Variants in DKK2 observed in about 807,000 individuals in gnomAD.
The protein encoded by DKK2 is dickkopf Wnt signaling pathway inhibitor 2.
In DKK2, 11 loss-of-function variants were observed where a neutral mutation model predicts 28.1. The observed-to-expected ratio is 0.39, with a 90% confidence interval of 0.25 to 0.65. DKK2 has a LOEUF of 0.65. Ranked by LOEUF, DKK2 falls within the 30% of genes least tolerant of loss-of-function variation. DKK2 has a pLI of 0.47. For synonymous variants in DKK2, 135 were observed against 126.5 expected (o/e 1.07, Z -0.45); for missense variants, 326 against 335.5 (o/e 0.97, Z 0.22).
intron 1 of DKK2, among the ~76,000 whole-genome samples, chr4:107,030,025 T>C (rs1171948948): frequency 6.6e-6 from 1 of 152,072 alleles, no homozygotes; most frequent in Non-Finnish European, 1.5e-5. Flanking sequence ...ATATAATCTG[T>C]TGTGCAGATT....
At chr4:107,027,896 C>G (rs1379317428) in intron 1 of DKK2, among the ~76,000 whole-genome samples, 1 of 151,870 alleles carries the variant, frequency 6.6e-6, no homozygotes, top group East Asian at 2.0e-4. Context: ...GGACTACAGG[C>G]GCCTGCCACC....
intron 1 of DKK2, among the ~76,000 whole-genome samples, chr4:107,031,460 C>T (rs1276272262): frequency 6.6e-6 from 1 of 152,010 alleles, no homozygotes; most frequent in Non-Finnish European, 1.5e-5. Context: ...CTTTAGTCAA[C>T]TCGTTCAAGC....
chr4:106,940,715 T>A (rs1240992299), intron 1 of DKK2, among the ~76,000 whole-genome samples: 1 of 151,492 alleles, frequency 6.6e-6, no homozygotes, highest in Non-Finnish European at 1.5e-5. Context: ...AACCTAAATG[T>A]CCAACAATGA....
chr4:107,018,896 T>C (rs2110372386), intron 1 of DKK2, among the ~76,000 whole-genome samples: 1 of 152,218 alleles, frequency 6.6e-6, no homozygotes, highest in East Asian at 1.9e-4. Context: ...TCCTGCCAAC[T>C]ATCTTTAAGT....
intron 1 of DKK2, among the ~76,000 whole-genome samples, chr4:106,960,808 C>T (rs924572266): frequency 6.6e-6 from 1 of 151,950 alleles, no homozygotes; most frequent in Non-Finnish European, 1.5e-5. Flanking sequence ...CTTTTTCTAC[C>T]AAGCCAGTCT....
intron 1 of DKK2, among the ~76,000 whole-genome samples, chr4:106,971,180 A>G (rs1234467529): frequency 6.6e-6 from 1 of 152,026 alleles, no homozygotes; most frequent in Non-Finnish European, 1.5e-5. Context: ...TACTTTGGAG[A>G]TATACAGGAT....
At chr4:106,932,210 A>G (rs2110340561) in intron 1 of DKK2, among the ~76,000 whole-genome samples, 1 of 152,302 alleles carries the variant, frequency 6.6e-6, no homozygotes, top group African/African-American at 2.4e-5. Flanking sequence ...TTGATACGAA[A>G]GATCAGAGAT....
Position 106,924,022 on chromosome 4 carries a change from A to T in DKK2, c.712T>A (p.Ser238Thr). 6.2e-7 allele frequency: 1 copy of T among 1,614,004 alleles called. No individual in the cohort carries two copies. The highest frequency in any genetic ancestry group is 1.1e-5 in the South Asian group (1 of 91,084). The change falls in exon 4 of 4, where the codon TCT (serine) becomes ACT (threonine). Residue 238 changes from serine (S) to threonine (T), a missense_variant. Physicochemically the swap from Ser to Thr is moderately conservative, Grantham distance 58. Transcript: ENST00000285311. Reference protein sequence around the residue: ...FQRCDCAKGLSCKVWKDATYS... With the variant: ...FQRCDCAKGLTCKVWKDATYS... ...GTGGCATCTTTCCATACTTTGCAAG[A>T]CAGGCCCTTCGCACAGTCGCAACGC... is the stretch of plus-strand genomic sequence containing the variant.
chr4:107,025,695 A>G (rs1723768608), intron 1 of DKK2, among the ~76,000 whole-genome samples: 1 of 152,190 alleles, frequency 6.6e-6, no homozygotes, highest in East Asian at 1.9e-4. Context: ...AAGTATCAGG[A>G]CTGAAAAAGT....
Position 107,028,032 on chromosome 4 carries a change from G to C in DKK2, c.222+7338C>G, listed in dbSNP as rs774483359. Among the ~76,000 whole-genome samples, 76 of 152,256 alleles carry C rather than the reference G, an allele frequency of 5.0e-4. 1 individual carries two copies. The highest frequency in any genetic ancestry group is 3.4e-4 in the Non-Finnish European group (23 of 68,024). On this transcript the variant is annotated intron_variant, in intron 1 of 3. Coordinates refer to ENST00000285311, the MANE Select transcript of DKK2 (RefSeq NM_014421.3). Reference sequence around the variant, plus strand: ...CTCCCAAAGTGCTAGGATTACAGGCGTGAGCCACCGCGCCCTGCCATGATT... The same window carrying C: ...CTCCCAAAGTGCTAGGATTACAGGCCTGAGCCACCGCGCCCTGCCATGATT...
rs1723059615 is a variant in DKK2, at chr4:106,983,337, G to GA, written c.222+52032dup. ...AGAAAGAAGAAAGAAAGGAAGAAAG[G>GA]AAGAAAGAAAGAAAGAAAGAAAGAA... is the stretch of plus-strand genomic sequence containing the variant. On this transcript the variant is annotated intron_variant, in intron 1 of 3. Coordinates refer to ENST00000285311, the MANE Select transcript of DKK2 (RefSeq NM_014421.3). 5.8e-5 allele frequency among the ~76,000 whole-genome samples: 7 copies of GA among 120,506 alleles called. No individual in the cohort carries two copies. In the East Asian group the frequency reaches 8.8e-4, roughly 15 times the overall value. The allele number at this position is 120,506 out of a possible 152,430, so 79.1% of individuals were successfully genotyped here.
intron 1 of DKK2, among the ~76,000 whole-genome samples, chr4:107,020,905 G>T (rs2110373347): frequency 6.6e-6 from 1 of 152,120 alleles, no homozygotes; most frequent in East Asian, 1.9e-4. Context: ...TGGGTTTGGG[G>T]TGGAGAACAT....
chr4:106,996,694 C>T (rs1723276863), intron 1 of DKK2, among the ~76,000 whole-genome samples: 1 of 152,156 alleles, frequency 6.6e-6, no homozygotes, highest in African/African-American at 2.4e-5. Flanking sequence ...AAATTGGCTT[C>T]CTCTTTCCTA....
At chr4:107,011,609 C>T (rs1271103397) in intron 1 of DKK2, among the ~76,000 whole-genome samples, 3 of 151,304 alleles carry the variant, frequency 2.0e-5, no homozygotes, top group Non-Finnish European at 3.0e-5. Flanking sequence ...TACGTGTATT[C>T]GAGAGTCAAC....
intron 1 of DKK2, among the ~76,000 whole-genome samples, chr4:107,027,296 G>A (rs1723800375): frequency 1.3e-5 from 2 of 152,120 alleles, no homozygotes; most frequent in East Asian, 1.9e-4. Flanking sequence ...CTCTCATTTG[G>A]ATGAAGATTT....
chr4:107,033,390 T>C (rs1292233045), intron 1 of DKK2, among the ~76,000 whole-genome samples: 1 of 152,164 alleles, frequency 6.6e-6, no homozygotes, highest in African/African-American at 2.4e-5. Context: ...GAAGCATAAT[T>C]AAGTAGCTAT....
intron 1 of DKK2, among the ~76,000 whole-genome samples, chr4:106,985,394 C>G (rs550640458): frequency 5.6e-4 from 85 of 152,056 alleles, no homozygotes; most frequent in African/African-American, 1.9e-3. Flanking sequence ...TGATATTGTC[C>G]TACAGTTTGG....
At chr4:106,956,211 C>T (rs568680024) in intron 1 of DKK2, among the ~76,000 whole-genome samples, 1 of 152,132 alleles carries the variant, frequency 6.6e-6, no homozygotes, top group East Asian at 1.9e-4. Flanking sequence ...GTGAAGGACC[C>T]CTTCAAGGAG....
chr4:106,949,162 G>A (rs1724822083), intron 1 of DKK2, among the ~76,000 whole-genome samples: 1 of 152,158 alleles, frequency 6.6e-6, no homozygotes, highest in African/African-American at 2.4e-5. Context: ...GGGTAAGGTG[G>A]AGCATTGCAG....
Sources: gnomAD v4.1 joint callset for allele counts (sites outside exome capture counted in the v4.1 genomes callset) on GRCh38, gnomAD v4.1.1 for gene constraint, MANE v1.5 for transcripts, NCBI Gene and HGNC (gene_info 2026-07-23, HGNC 2026-07-21) for gene names.